The following ADAM23 variants were observed in gnomAD, a reference collection of about 807,000 sequenced individuals.
ADAM23 encodes ADAM metallopeptidase domain 23.
ADAM23 carries 33 observed loss-of-function variants against 120.1 expected under a neutral mutation model. The ratio of observed to expected loss-of-function variants is 0.27; its 90% CI spans 0.21 to 0.37. ADAM23 has a LOEUF of 0.37. ADAM23 is among the 10% of genes least tolerant of loss of function. The pLI is 1.00. For synonymous variants in ADAM23, 367 were observed against 375.2 expected, an observed-to-expected ratio of 0.98 and a Z score of 0.25; for missense variants, 862 against 1,058.2, an observed-to-expected ratio of 0.81 and a Z score of 2.57.
At chr2:206,477,898 ATATATAT>A (rs1292194536) in intron 2 of ADAM23, among the ~76,000 whole-genome samples, 4 of 86,426 alleles carry the variant, frequency 4.6e-5, no homozygotes, top group Non-Finnish European at 8.9e-5. Context: ...AAAAAAAAAA[ATATATAT>A]ATATATATAT....
intron 21 of ADAM23, among the ~76,000 whole-genome samples, chr2:206,590,781 G>A (rs985415550): frequency 2.6e-5 from 4 of 152,092 alleles, no homozygotes; most frequent in African/African-American, 7.2e-5. Context: ...CTCAGTCCTC[G>A]AGGTGTCAGG....
chr2:206,547,554 C>A, intron 7 of ADAM23, 53 bp downstream of exon 7: 1 of 1,456,090 alleles, frequency 6.9e-7, no homozygotes, highest in Non-Finnish European at 9.5e-7. Context: ...GAGCTTTTAT[C>A]TGGTGGAGCT....
intron 8 of ADAM23, among the ~76,000 whole-genome samples, chr2:206,549,263 TTATTA>T (rs1697463675): frequency 6.6e-6 from 1 of 151,134 alleles, no homozygotes; most frequent in Non-Finnish European, 1.5e-5. Context: ...ATGGATACAT[TTATTA>T]TATATTATAT....
chr2:206,481,360 T>A, intron 3 of ADAM23, 52 bp downstream of exon 3: 1 of 1,368,786 alleles, frequency 7.3e-7, no homozygotes, highest in African/African-American at 1.5e-5. Flanking sequence ...AAAGCTTTGT[T>A]TTTATAATAT....
chr2:206,445,443 C>G lies in ADAM23; in HGVS notation c.351C>G (p.Leu117=). ...AAGAAATCACACTGCCTTCAAGACTCATATATTACATCAACCAAGACTCGG... is the reference window on the plus strand; with the variant it reads ...AAGAAATCACACTGCCTTCAAGACTGATATATTACATCAACCAAGACTCGG... ...MQKEITLPSR[L]IYYINQDSES... The change falls in exon 2 of 26, where the codon CTC becomes CTG. Residue 117 remains leucine, a synonymous_variant. Coordinates refer to ENST00000264377, the MANE Select transcript of ADAM23 (RefSeq NM_003812.4). The G allele has an allele frequency of 6.2e-7, 1 of 1,614,108 alleles. No individual in the cohort carries two copies. Among genetic ancestry groups the G allele is most frequent in the Non-Finnish European group, 8.5e-7 (1 of 1,180,006 alleles).
intron 4 of ADAM23, among the ~76,000 whole-genome samples, chr2:206,533,466 G>A (rs1448758232): frequency 1.3e-5 from 2 of 152,200 alleles, no homozygotes; most frequent in Non-Finnish European, 2.9e-5. Flanking sequence ...GCCTCCCAAA[G>A]TGCTGGGATT....
intron 2 of ADAM23, among the ~76,000 whole-genome samples, chr2:206,477,897 A>AAAAAAATATATATATATATATATAT (rs374524658): frequency 1.1e-5 from 1 of 93,570 alleles, no homozygotes; most frequent in Non-Finnish European, 2.0e-5. Flanking sequence ...AAAAAAAAAA[A>AAAAAAATATATATATATATATATAT]ATATATATAT....
At chr2:206,471,018 C>T (rs1210519006) in intron 2 of ADAM23, among the ~76,000 whole-genome samples, 3 of 152,142 alleles carry the variant, frequency 2.0e-5, no homozygotes, top group Non-Finnish European at 4.4e-5. Context: ...GAAATATCAG[C>T]TCTGGTATAG....
chr2:206,511,908 A>T (rs1202004097), intron 3 of ADAM23, among the ~76,000 whole-genome samples: 1 of 152,106 alleles, frequency 6.6e-6, no homozygotes, highest in Non-Finnish European at 1.5e-5. Flanking sequence ...GGAAGGAAAC[A>T]TTTTCATTCC....
At chr2:206,546,401 G>A (rs538794221) in intron 6 of ADAM23, among the ~76,000 whole-genome samples, 4 of 152,138 alleles carry the variant, frequency 2.6e-5, no homozygotes, top group East Asian at 3.9e-4. Flanking sequence ...CAAGTAATAC[G>A]CATGGGATAT....
intron 2 of ADAM23, among the ~76,000 whole-genome samples, chr2:206,478,391 A>G (rs1695826826): frequency 6.6e-6 from 1 of 152,184 alleles, no homozygotes. Flanking sequence ...TCTTACTGAT[A>G]AAGGTAATAA....
chr2:206,598,782 C>T (rs1018968948), intron 24 of ADAM23, among the ~76,000 whole-genome samples: 3 of 150,122 alleles, frequency 2.0e-5, no homozygotes, highest in South Asian at 4.2e-4. Flanking sequence ...TGCCTATAAT[C>T]CCAGCTACTT....
At chr2:206,474,011 C>CAAA (rs761985007) in intron 2 of ADAM23, among the ~76,000 whole-genome samples, 1 of 57,898 alleles carries the variant, frequency 1.7e-5, no homozygotes, top group African/African-American at 5.4e-5. Flanking sequence ...GACCCTGTCT[C>CAAA]AAAAAAAAAA....
At position 206,605,828 on chromosome 2, in the gene ADAM23, G is replaced by A. The variant is rs537939855; in HGVS notation, c.2360-4082G>A. 285 of 699,718 alleles carry A rather than the reference G, an allele frequency of 4.1e-4. 1 individual carries two copies. The highest frequency in any genetic ancestry group is 3.6e-3 in the South Asian group (240 of 66,924). 43.3% of individuals were successfully genotyped at this position (699,718 alleles called of 1,614,324 possible). ...AAGCAGGCTAATAGGGGCCGTGGCCGGCACCATTCTGGCCCTGGGGGTGAT... is the reference window on the plus strand; with the variant it reads ...AAGCAGGCTAATAGGGGCCGTGGCCAGCACCATTCTGGCCCTGGGGGTGAT... On this transcript the variant is annotated intron_variant, in intron 24 of 25. Transcript: ENST00000264377.
intron 9 of ADAM23, among the ~76,000 whole-genome samples, chr2:206,550,746 C>T (rs1697505355): frequency 6.6e-6 from 1 of 151,744 alleles, no homozygotes; most frequent in South Asian, 2.1e-4. Context: ...GGACTACAGG[C>T]GCCCGCCACT....
At chr2:206,576,847 A>G (rs1233096145) in intron 18 of ADAM23, among the ~76,000 whole-genome samples, 1 of 152,224 alleles carries the variant, frequency 6.6e-6, no homozygotes, top group East Asian at 1.9e-4. Flanking sequence ...GATGTAATAC[A>G]GATATTTGAA....
intron 2 of ADAM23, among the ~76,000 whole-genome samples, chr2:206,471,526 A>T (rs888367226): frequency 4.6e-5 from 7 of 152,294 alleles, no homozygotes; most frequent in East Asian, 1.9e-4. Context: ...AAGCAAATTT[A>T]AAAAACTGCC....
chr2:206,582,166 C>A (rs1003221338), intron 18 of ADAM23, among the ~76,000 whole-genome samples: 3 of 152,252 alleles, frequency 2.0e-5, no homozygotes, highest in Non-Finnish European at 4.4e-5. Flanking sequence ...GCGTGAGCCA[C>A]CACGCCCGGC....
chr2:206,585,959 T>G (rs1441765378), intron 18 of ADAM23, among the ~76,000 whole-genome samples: 2 of 152,208 alleles, frequency 1.3e-5, no homozygotes, highest in Non-Finnish European at 2.9e-5. Flanking sequence ...TTGAAGAGCA[T>G]AGGTTCTATA....
Sources: allele counts gnomAD v4.1 joint callset (sites outside exome capture counted in the v4.1 genomes callset), GRCh38; gene constraint gnomAD v4.1.1; transcripts MANE v1.5; gene names NCBI Gene and HGNC (gene_info 2026-07-23, HGNC 2026-07-21).